ULK4: variants seen among roughly 807,000 people sequenced by gnomAD.
The protein encoded by ULK4 is inactive serine/threonine-protein kinase ULK4.
ULK4 carries 133 observed loss-of-function variants against 160.6 expected under a neutral mutation model. The observed-to-expected ratio is 0.83, with a 90% CI of 0.72 to 0.96. ULK4 has a LOEUF of 0.96. Ranked by LOEUF, ULK4 falls within the 40% of genes least tolerant of loss-of-function variation. The probability of loss-of-function intolerance (pLI) is 0.00; values close to 1 mark genes in which losing one functional copy is unlikely to be tolerated. For synonymous variants in ULK4, 534 were observed against 539.8 expected (o/e 0.99, Z 0.15); for missense variants, 1,580 against 1,499.5 (o/e 1.05, Z -0.89).
intron 34 of ULK4, among the ~76,000 whole-genome samples, chr3:41,436,371 T>C (rs1241921622): frequency 6.6e-6 from 1 of 152,238 alleles, no homozygotes; most frequent in African/African-American, 2.4e-5. Context: ...TTTTGGTTGA[T>C]GCTTTTTAAA....
At chr3:41,311,877 C>CATATATATATATATAT (rs143621818) in intron 35 of ULK4, among the ~76,000 whole-genome samples, 3 of 146,640 alleles carry the variant, frequency 2.0e-5, no homozygotes, top group African/African-American at 7.8e-5. Context: ...AAACTCTCCT[C>CATATATATATATATAT]ATATATATAT....
At chr3:41,738,080 G>C (rs907933169) in intron 22 of ULK4, among the ~76,000 whole-genome samples, 5 of 151,722 alleles carry the variant, frequency 3.3e-5, no homozygotes, top group African/African-American at 9.7e-5. Flanking sequence ...AAATATGTAG[G>C]GGTGATAATA....
Position 41,789,718 on chromosome 3 carries a change from G to A in ULK4, c.2136C>T (p.Thr712=), listed in dbSNP as rs2125592002. ...CACAGGACAACATGGCAGCGAATAA[G>A]GTCAACATGTACTGCTGAACTTTGC... ...AICKVQQYML[T]LFAAMLSCGI... is the part of the protein sequence containing the mutation. The change falls in exon 21 of 37, where the codon ACC becomes ACT. Residue 712 remains threonine (T), a synonymous_variant. Coordinates refer to ENST00000301831, the MANE Select transcript of ULK4 (RefSeq NM_017886.4). 1 of 1,612,998 alleles carries A rather than the reference G, an allele frequency of 6.2e-7. No homozygotes were observed. The highest frequency in any genetic ancestry group is 8.5e-7 in the Non-Finnish European group (1 of 1,179,490).
At chr3:41,306,285 C>T (rs1224117660) in intron 35 of ULK4, among the ~76,000 whole-genome samples, 4 of 127,440 alleles carry the variant, frequency 3.1e-5, no homozygotes, top group Non-Finnish European at 6.3e-5. Context: ...TCTGCCCGGC[C>T]GCCCCTACTG....
intron 32 of ULK4, among the ~76,000 whole-genome samples, chr3:41,494,607 G>C (rs112747145): frequency 4.2e-4 from 63 of 148,934 alleles, no homozygotes; most frequent in Admixed American, 8.1e-4. Context: ...AGGAAATAAA[G>C]GGCATTCAAT....
intron 31 of ULK4, among the ~76,000 whole-genome samples, chr3:41,575,726 T>G (rs147240133): frequency 6.6e-6 from 1 of 152,390 alleles, no homozygotes; most frequent in East Asian, 1.9e-4. Context: ...CCAATCAGTA[T>G]GCTGAGCTTG....
chr3:41,912,328 CA>C (rs1223106095), intron 9 of ULK4, among the ~76,000 whole-genome samples: 314 of 88,232 alleles, frequency 3.6e-3, no homozygotes, highest in Middle Eastern at 0.012. Context: ...GACGTTGTCT[CA>C]AAAAAAAAAA....
chr3:41,276,283 G>A (rs566209239), intron 35 of ULK4, among the ~76,000 whole-genome samples: 59 of 152,320 alleles, frequency 3.9e-4, no homozygotes, highest in Non-Finnish European at 5.9e-4. Context: ...TCAGAGCTCT[G>A]AGGAAACTCT....
chr3:41,851,791 G>A (rs1356591472), intron 17 of ULK4, among the ~76,000 whole-genome samples: 2 of 151,978 alleles, frequency 1.3e-5, no homozygotes, highest in Non-Finnish European at 2.9e-5. Flanking sequence ...ACAAGAGAAA[G>A]CAGGAAAGAT....
intron 30 of ULK4, among the ~76,000 whole-genome samples, chr3:41,623,390 G>A (rs546808447): frequency 6.6e-6 from 1 of 152,054 alleles, no homozygotes; most frequent in Admixed American, 6.5e-5. Context: ...AGTCCACCTT[G>A]ATGTCTAGCA....
At chr3:41,796,151 T>A (rs1231756237) in intron 20 of ULK4, among the ~76,000 whole-genome samples, 2 of 151,968 alleles carry the variant, frequency 1.3e-5, no homozygotes, top group Non-Finnish European at 2.9e-5. Context: ...GTTGGGGTAA[T>A]ATGGAGGAGG....
intron 34 of ULK4, among the ~76,000 whole-genome samples, chr3:41,428,960 G>A (rs13062930): frequency 0.11 from 16,058 of 151,990 alleles, 1,003 homozygotes; most frequent in Admixed American, 0.15. Context: ...TATCATCAGA[G>A]TGAACAGACA....
intron 32 of ULK4, among the ~76,000 whole-genome samples, chr3:41,466,416 A>G (rs1274334217): frequency 2.0e-5 from 3 of 152,326 alleles, no homozygotes; most frequent in Admixed American, 6.5e-5. Flanking sequence ...CTTCAGAAAA[A>G]AATCCTTTTC....
intron 19 of ULK4, among the ~76,000 whole-genome samples, chr3:41,805,355 T>A (rs750345317): frequency 2.0e-5 from 3 of 151,740 alleles, no homozygotes; most frequent in Non-Finnish European, 4.4e-5. Flanking sequence ...CTTTGCTGAA[T>A]TTGCTTATCA....
At chr3:41,579,213 G>T (rs2030016397) in intron 31 of ULK4, among the ~76,000 whole-genome samples, 1 of 152,088 alleles carries the variant, frequency 6.6e-6, no homozygotes, top group African/African-American at 2.4e-5. Context: ...CAGCTTTAAG[G>T]GTTTATATGT....
At chr3:41,480,151 G>T (rs551297100) in intron 32 of ULK4, among the ~76,000 whole-genome samples, 37 of 146,840 alleles carry the variant, frequency 2.5e-4, no homozygotes, top group African/African-American at 6.8e-4. Context: ...AGCTTGCAGT[G>T]AGCCAAGATT....
intron 18 of ULK4, among the ~76,000 whole-genome samples, chr3:41,835,420 A>G (rs570239902): frequency 3.5e-4 from 54 of 152,348 alleles, no homozygotes; most frequent in Non-Finnish European, 6.9e-4. Context: ...ACCTTTAGAT[A>G]TAATAAGTCA....
intron 32 of ULK4, among the ~76,000 whole-genome samples, chr3:41,492,302 G>A (rs1187390261): frequency 5.9e-5 from 9 of 152,016 alleles, no homozygotes; most frequent in South Asian, 4.2e-4. Context: ...CTGAGGAATC[G>A]CCACACTGAC....
intron 2 of ULK4, among the ~76,000 whole-genome samples, chr3:41,942,294 G>A (rs1716692): frequency 0.69 from 104,162 of 152,058 alleles, 39,199 homozygotes; most frequent in East Asian, 0.83. Flanking sequence ...CAAGGTGGGC[G>A]TATGACTTGA....
Sources: allele counts gnomAD v4.1 joint callset (sites outside exome capture counted in the v4.1 genomes callset), GRCh38; gene constraint gnomAD v4.1.1; transcripts MANE v1.5; gene names NCBI Gene and HGNC (gene_info 2026-07-23, HGNC 2026-07-21).